KIF26A: variants seen among roughly 807,000 people sequenced by gnomAD.
KIF26A encodes kinesin family member 26A, also known as kinesin-like protein KIF26A.
Under a neutral mutation model 126.0 loss-of-function variants are expected in KIF26A, and 74 were observed. The ratio of observed to expected loss-of-function variants is 0.59; its 90% CI spans 0.49 to 0.71. KIF26A has a LOEUF of 0.71. Among genes scored for constraint, KIF26A ranks in the 30% least tolerant of loss-of-function variants. The pLI is 0.00. For missense variants in KIF26A, 2,984 were observed against 2,763.3 expected, an observed-to-expected ratio of 1.08 and a Z score of -1.79; for synonymous variants, 1,445 against 1,232.7, an observed-to-expected ratio of 1.17 and a Z score of -3.61.
In KIF26A at chr14:104,176,377, T is replaced by G; in HGVS notation, c.3589T>G (p.Ser1197Ala). The G allele has an allele frequency of 6.3e-7, 1 of 1,584,918 alleles. No homozygotes were observed. The highest frequency in any genetic ancestry group is 8.6e-7 in the Non-Finnish European group (1 of 1,162,830). Residue 1197 changes from serine to alanine, a missense_variant, in exon 12 of 15, where the codon TCG (serine) becomes GCG (alanine). By Grantham distance (99) the Ser-to-Ala change is moderately conservative (BLOSUM62 1). Transcript: ENST00000423312. ...CGGCAGGGAGCCCCAGGCCGGGCCCTCGCGGTGGGCATCCGCAGCCCAGAC... is the reference window on the plus strand; with the variant it reads ...CGGCAGGGAGCCCCAGGCCGGGCCCGCGCGGTGGGCATCCGCAGCCCAGAC... Reference protein sequence around the residue: ...RPGREPQAGPSRWASAAQTIH... With the variant: ...RPGREPQAGPARWASAAQTIH...
At position 104,173,468 on chromosome 14, in the gene KIF26A, C is replaced by T. The variant is rs1384444276; in HGVS notation, c.1822C>T (p.Leu608=). 1.3e-6 allele frequency: 2 copies of T among 1,587,624 alleles called. No homozygotes were observed. Among genetic ancestry groups the T allele is most frequent in the Non-Finnish European group, 8.6e-7 (1 of 1,164,258 alleles). ...ARRSSHMLFT[L]HVYQYRMEKC... ...ACGCAGCTCCCACATGTTGTTCACG[C>T]TGCACGTCTACCAGTACCGCATGGA... is the stretch of plus-strand genomic sequence containing the variant. Residue 608 remains leucine, a synonymous_variant, in exon 9 of 15, where the codon CTG becomes TTG. Transcript: ENST00000423312.
At chr14:104,165,173 G>A (rs552410290) in intron 4 of KIF26A, among the ~76,000 whole-genome samples, 4 of 150,196 alleles carry the variant, frequency 2.7e-5, no homozygotes, top group Non-Finnish European at 5.9e-5. Flanking sequence ...CTCTATGCAT[G>A]TGTCTGTGTT....
At chr14:104,145,143 C>T (rs1033972788) in intron 2 of KIF26A, among the ~76,000 whole-genome samples, 10 of 152,262 alleles carry the variant, frequency 6.6e-5, no homozygotes, top group Non-Finnish European at 1.3e-4. Context: ...TGTCCTTGTC[C>T]TGCGGGGCCT....
At position 104,179,828 on chromosome 14, in the gene KIF26A, G is replaced by GCTGGAGGAC; in HGVS notation, c.*39_*47dup. 1.3e-6 allele frequency: 2 copies of GCTGGAGGAC among 1,483,328 alleles called. No homozygotes were observed. The highest frequency in any genetic ancestry group is 2.5e-5 in the East Asian group (1 of 40,484). The allele number at this position is 1,483,328 out of a possible 1,614,324, so 91.9% of individuals were successfully genotyped here. ...GACAAGAGGAGGGGGCGTGCAGCGG[G>GCTGGAGGAC]CTGGAGGACGGGACGTGGGACGGAG... On this transcript the variant is annotated 3_prime_UTR_variant, in exon 15 of 15. Transcript: ENST00000423312.
chr14:104,171,267 C>T (rs570318838), intron 5 of KIF26A, among the ~76,000 whole-genome samples: 5 of 152,320 alleles, frequency 3.3e-5, no homozygotes, highest in East Asian at 1.9e-4. Context: ...CAGCCCTCTG[C>T]GGCTCTCACA....
intron 4 of KIF26A, among the ~76,000 whole-genome samples, chr14:104,160,915 C>G (rs2037827162): frequency 6.6e-6 from 1 of 152,246 alleles, no homozygotes; most frequent in African/African-American, 2.4e-5. Flanking sequence ...CCCAGGCCCC[C>G]CACTCCCCAC....
rs542732061 is a variant in KIF26A, at chr14:104,173,134, C to T, written c.1578C>T (p.Arg526=). The T allele has an allele frequency of 4.3e-5, 69 of 1,609,316 alleles. No homozygotes were observed. The highest frequency in any genetic ancestry group is 2.7e-4 in the African/African-American group (20 of 74,986). Residue 526 remains arginine, a synonymous_variant, in exon 8 of 15, where the codon CGC becomes CGT. Coordinates refer to ENST00000423312, the MANE Select transcript of KIF26A (RefSeq NM_015656.2). The part of the protein sequence containing the change: ...VRVSAVEVCG[R]DQSLRDLLAE... ...TCTCAGCCGTGGAGGTGTGCGGGCG[C>T]GACCAGAGCCTGCGGGACCTGCTGG...
Position 104,173,180 on chromosome 14 carries a change from C to T in KIF26A, c.1624C>T (p.Leu542Phe), listed in dbSNP as rs772861336. The change falls in exon 8 of 15, where the codon CTC (leucine) becomes TTC (phenylalanine). Residue 542 changes from leucine (L) to phenylalanine (F), a missense_variant. Coordinates refer to ENST00000423312, the MANE Select transcript of KIF26A (RefSeq NM_015656.2). The part of the protein sequence containing the change: ...DLLAEVAPGS[L>F]QDTQSPGVYL... ...GCTGGCCGAGGTGGCCCCTGGCAGC[C>T]TCCAGGACACCCAGTCTCCGGGAGT... 6.2e-6 allele frequency: 10 copies of T among 1,611,578 alleles called. No homozygotes were observed. Among genetic ancestry groups the T allele is most frequent in the African/African-American group, 5.3e-5 (4 of 74,896 alleles).
chr14:104,177,831 C>T lies in KIF26A; in HGVS notation c.5043C>T (p.Ser1681=), dbSNP rs201501169. ...GSASSAPDSM[S]ESGAASPGAR... is the part of the protein sequence containing the mutation. The stretch of plus-strand genomic sequence containing the variant: ...CCTCCTCCGCCCCTGACTCCATGAG[C>T]GAGAGTGGGGCTGCCTCCCCAGGCG... The change falls in exon 12 of 15, where the codon AGC becomes AGT. Residue 1681 remains serine, a synonymous_variant. Coordinates refer to ENST00000423312, the MANE Select transcript of KIF26A (RefSeq NM_015656.2). The T allele has an allele frequency of 4.6e-4, 729 of 1,568,672 alleles. 2 individuals carry two copies. In the African/African-American group the frequency reaches 7.8e-3, roughly 17 times the overall value.
chr14:104,165,135 C>T (rs1180430226), intron 4 of KIF26A, among the ~76,000 whole-genome samples: 1 of 150,222 alleles, frequency 6.7e-6, no homozygotes, highest in South Asian at 2.1e-4. Context: ...GTATATGTCT[C>T]TGTGTGTTTC....
intron 3 of KIF26A, among the ~76,000 whole-genome samples, chr14:104,153,039 C>T (rs2037745019): frequency 6.6e-6 from 1 of 152,172 alleles, no homozygotes; most frequent in Non-Finnish European, 1.5e-5. Flanking sequence ...CGCCCTTCTC[C>T]CTTGGTCTCC....
chr14:104,177,257 C>T lies in KIF26A; in HGVS notation c.4469C>T (p.Ala1490Val), dbSNP rs765489171. The T allele has an allele frequency of 8.8e-6, 14 of 1,594,386 alleles. No individual in the cohort carries two copies. Among genetic ancestry groups the T allele is most frequent in the Middle Eastern group, 1.7e-4 (1 of 6,034 alleles). The change falls in exon 12 of 15, where the codon GCC becomes GTC. Residue 1490 changes from alanine to valine, a missense_variant. Coordinates refer to ENST00000423312, the MANE Select transcript of KIF26A (RefSeq NM_015656.2). ...CRSGAAKAVG[A>V]PKPPVGGGKG... Reference sequence around the variant, plus strand: ...AGCGGCGCAGCCAAGGCTGTGGGGGCCCCCAAGCCCCCTGTTGGTGGAGGC... The same window carrying T: ...AGCGGCGCAGCCAAGGCTGTGGGGGTCCCCAAGCCCCCTGTTGGTGGAGGC...
intron 6 of KIF26A, among the ~76,000 whole-genome samples, chr14:104,172,317 C>T (rs1055097717): frequency 2.6e-4 from 39 of 152,276 alleles, no homozygotes; most frequent in African/African-American, 9.2e-4. Flanking sequence ...TGCCCCTGCG[C>T]CCGGCGGCTG....
intron 2 of KIF26A, among the ~76,000 whole-genome samples, chr14:104,139,942 C>T (rs557941526): frequency 2.0e-5 from 3 of 152,196 alleles, no homozygotes; most frequent in African/African-American, 7.2e-5. Flanking sequence ...GGATTTCCAG[C>T]CAGTGGGCCT....
chr14:104,150,194 C>T (rs1375602060), intron 2 of KIF26A, among the ~76,000 whole-genome samples: 1 of 115,572 alleles, frequency 8.7e-6, no homozygotes, highest in East Asian at 3.1e-4. Flanking sequence ...CTCCTCATCC[C>T]CCTCCCCCAC....
In KIF26A at chr14:104,179,268, G is replaced by A. The variant is rs1008346026; in HGVS notation, c.5349G>A (p.Leu1783=). The change falls in exon 14 of 15, where the codon CTG becomes CTA. Residue 1783 remains leucine, a synonymous_variant. Transcript: ENST00000423312. ...GLACVSTRLR[L]AERRQQRLRE... ...CGTGCGTCAGTACAAGGCTGCGGCTGGCGGAGCGCAGGCAGCAGCGGCTGC... is the reference window on the plus strand; with the variant it reads ...CGTGCGTCAGTACAAGGCTGCGGCTAGCGGAGCGCAGGCAGCAGCGGCTGC... 1 of 1,526,160 alleles carries A rather than the reference G, an allele frequency of 6.6e-7. No individual in the cohort carries two copies. The highest frequency in any genetic ancestry group is 8.8e-7 in the Non-Finnish European group (1 of 1,141,132). The allele number at this position is 1,526,160 out of a possible 1,614,324, so 94.5% of individuals were successfully genotyped here.
chr14:104,170,904 T>C (rs969712758), intron 5 of KIF26A, among the ~76,000 whole-genome samples: 1 of 152,154 alleles, frequency 6.6e-6, no homozygotes, highest in African/African-American at 2.4e-5. Flanking sequence ...GTGGCCCAGT[T>C]TGAGATCTGT....
chr14:104,169,142 G>T (rs185841346), intron 5 of KIF26A, among the ~76,000 whole-genome samples: 202 of 152,304 alleles, frequency 1.3e-3, no homozygotes, highest in African/African-American at 4.7e-3. Flanking sequence ...GGGCCAGGCT[G>T]CCGCTGCCCT....
chr14:104,178,348 TG>T, intron 12 of KIF26A, among the ~76,000 whole-genome samples: 1 of 152,064 alleles, frequency 6.6e-6, no homozygotes, highest in South Asian at 2.1e-4. Flanking sequence ...CTGGTGGTGG[TG>T]GGGGCGCCCT....
Sources: gnomAD v4.1 joint callset for allele counts (sites outside exome capture counted in the v4.1 genomes callset) on GRCh38, gnomAD v4.1.1 for gene constraint, MANE v1.5 for transcripts, NCBI Gene and HGNC (gene_info 2026-07-23, HGNC 2026-07-21) for gene names.